CRAT: variants seen among roughly 807,000 people sequenced by gnomAD.
CRAT encodes the protein carnitine O-acetyltransferase.
In CRAT, 66 loss-of-function variants were observed where a neutral mutation model predicts 73.7. The observed-to-expected ratio is 0.90, with a 90% CI of 0.73 to 1.10. CRAT has a LOEUF of 1.10. CRAT is among the 50% of genes least tolerant of loss of function. The probability of loss-of-function intolerance (pLI) is 0.00; values close to 1 mark genes in which losing one functional copy is unlikely to be tolerated. For synonymous variants in CRAT, 321 were observed against 343.2 expected, an observed-to-expected ratio of 0.94 and a Z score of 0.71; for missense variants, 745 against 846.9, an observed-to-expected ratio of 0.88 and a Z score of 1.49.
In CRAT at chr9:129,098,305, C is replaced by G; in HGVS notation, c.1272G>C (p.Ser424=). Residue 424 remains serine (S), a synonymous_variant, in exon 10 of 14, where the codon TCG becomes TCC. Transcript: ENST00000318080. The part of the protein sequence containing the change: ...FHHFGKDFPK[S]EKLSPDAFIQ... ...TGAAGGCATCTGGGCTTAGCTTCTCCGACTTGGGGAAGTCTTTTCCAAAAT... is the reference window on the plus strand; with the variant it reads ...TGAAGGCATCTGGGCTTAGCTTCTCGGACTTGGGGAAGTCTTTTCCAAAAT... 1 of 1,614,040 alleles carries G rather than the reference C, an allele frequency of 6.2e-7. No homozygotes were observed. Among genetic ancestry groups the G allele is most frequent in the South Asian group, 1.1e-5 (1 of 91,088 alleles).
chr9:129,104,105 G>A, intron 3 of CRAT, 83 bp downstream of exon 3: 1 of 914,884 alleles, frequency 1.1e-6, no homozygotes, highest in Non-Finnish European at 1.7e-6. Flanking sequence ...AAGATAAACA[G>A]GGTCGGGGCC....
chr9:129,109,415 A>AT (rs1372170801), intron 1 of CRAT: 2 of 577,642 alleles, frequency 3.5e-6, no homozygotes, highest in Non-Finnish European at 2.7e-6. Flanking sequence ...ACGAACACTC[A>AT]TTTTTTCCTG....
rs767358598 is a variant in CRAT, at chr9:129,102,398, A to G, written c.630+2T>C. On this transcript the variant is annotated splice_donor_variant, in intron 5 of 13. Coordinates refer to ENST00000318080, the MANE Select transcript of CRAT (RefSeq NM_000755.5). LOFTEE classifies it high-confidence loss of function. ...TTGTAGGTGTGGGTGGGGGCCACCC[A>G]CCTGGTAGTTGTGTACCACGGTGAT... The G allele has an allele frequency of 1.9e-6, 3 of 1,613,772 alleles. No individual in the cohort carries two copies. The East Asian group carries it at 6.7e-5, about 36-fold the overall frequency.
At position 129,099,927 on chromosome 9, in the gene CRAT, C is replaced by T. The variant is rs752824004; in HGVS notation, c.1024G>A (p.Glu342Lys). Reference protein sequence around the residue: ...AEDGSCGLVYEHAAAEGPPIV... With the variant: ...AEDGSCGLVYKHAAAEGPPIV... The stretch of plus-strand genomic sequence containing the variant: ...GGGGGCCCCTCCGCTGCAGCATGCT[C>T]GTACACAAGCCCACAGGAGCCATCT... The change falls in exon 8 of 14, where the codon GAG becomes AAG. Residue 342 changes from glutamate to lysine, a missense_variant. Coordinates refer to ENST00000318080, the MANE Select transcript of CRAT (RefSeq NM_000755.5). 6.8e-6 allele frequency: 11 copies of T among 1,613,346 alleles called. No homozygotes were observed. The highest frequency in any genetic ancestry group is 6.7e-5 in the African/African-American group (5 of 74,858).
chr9:129,100,727 T>C, intron 6 of CRAT, 38 bp from the exon 7 acceptor site: 1 of 1,588,710 alleles, frequency 6.3e-7, no homozygotes. Context: ...CAAAATGGGG[T>C]CTCATGGTGT....
At chr9:129,102,972 C>A (rs754701166) in intron 4 of CRAT, 41 bp downstream of exon 4, 1 of 1,581,774 alleles carries the variant, frequency 6.3e-7, no homozygotes, top group Non-Finnish European at 8.7e-7. Flanking sequence ...ATTAAGCAGG[C>A]CTGGGCAGGT....
intron 5 of CRAT, 145 bp downstream of exon 5, chr9:129,102,255 C>T: frequency 7.8e-7 from 1 of 1,287,444 alleles, no homozygotes; most frequent in Non-Finnish European, 1.1e-6. Flanking sequence ...CTCCCTGGGC[C>T]CCCAATGGAG....
At chr9:129,101,183 A>G (rs900775387) in intron 6 of CRAT, among the ~76,000 whole-genome samples, 3 of 152,240 alleles carry the variant, frequency 2.0e-5, no homozygotes, top group African/African-American at 7.2e-5. Context: ...GGTGTCCTCA[A>G]CTAGGACATG....
At chr9:129,109,438 T>C (rs1848240768) in intron 1 of CRAT, among the ~76,000 whole-genome samples, 6 of 152,210 alleles carry the variant, frequency 3.9e-5, no homozygotes, top group Admixed American at 3.9e-4. Flanking sequence ...CTGTGGCTCA[T>C]TCAGCTAGGG....
At chr9:129,095,675 C>A (rs1483507496) in intron 13 of CRAT, 63 bp from the exon 14 acceptor site, 4 of 1,518,100 alleles carry the variant, frequency 2.6e-6, no homozygotes, top group Non-Finnish European at 3.6e-6. Flanking sequence ...ACTTCCCAGG[C>A]TGCCTGTGCT....
At position 129,107,770 on chromosome 9, in the gene CRAT, A is replaced by G; in HGVS notation, c.291+44T>C. The G allele has an allele frequency of 1.9e-6, 3 of 1,613,034 alleles. No homozygotes were observed. Among genetic ancestry groups the G allele is most frequent in the Non-Finnish European group, 2.5e-6 (3 of 1,179,950 alleles). On this transcript the variant is annotated intron_variant, in intron 2 of 13. Transcript: ENST00000318080. This position sits in a 1 kb window ranked among gnomAD's most constrained non-coding sequence, Gnocchi z 5.0. ...AGCAGTGGGCACTGGAGAACTGTGC[A>G]TGTGCAGCCAGCAGCAGGTCACAGT...
chr9:129,095,281 G>A lies in CRAT; in HGVS notation c.*116C>T. ...ATGCGGTCCGTGGCTCAGTAGATTT[G>A]GGGGGACCAGGGAAGAGGGAACCAA... On this transcript the variant is annotated 3_prime_UTR_variant, in exon 14 of 14. Coordinates refer to ENST00000318080, the MANE Select transcript of CRAT (RefSeq NM_000755.5). 8.8e-7 allele frequency: 1 copy of A among 1,133,016 alleles called. No individual in the cohort carries two copies. The highest frequency in any genetic ancestry group is 1.3e-6 in the Non-Finnish European group (1 of 790,944). 70.2% of individuals were successfully genotyped at this position (1,133,016 alleles called of 1,614,324 possible). A position where few individuals can be genotyped will look rare whatever the true frequency, so the allele number is the denominator to read the frequency against.
chr9:129,095,971 C>A (rs1396234094), intron 13 of CRAT, 27 bp downstream of exon 13: 3 of 1,613,612 alleles, frequency 1.9e-6, no homozygotes, highest in Middle Eastern at 1.7e-4. Flanking sequence ...GCCTCCAGCC[C>A]CCGGGGCACC....
At chr9:129,097,909 A>T (rs1847382228) in intron 11 of CRAT, 104 bp downstream of exon 11, 2 of 1,492,644 alleles carry the variant, frequency 1.3e-6, no homozygotes, top group South Asian at 2.6e-5. Flanking sequence ...CGTGCCCACC[A>T]TGGGGCTGGA....
Position 129,095,162 on chromosome 9 carries a change from C to T in CRAT, c.*235G>A. The T allele has an allele frequency of 1.7e-6, 1 of 583,474 alleles. No homozygotes were observed. The highest frequency in any genetic ancestry group is 3.0e-6 in the Non-Finnish European group (1 of 328,826). 36.1% of individuals were successfully genotyped at this position (583,474 alleles called of 1,614,324 possible). A position where few individuals can be genotyped will look rare whatever the true frequency, so the allele number is the denominator to read the frequency against. On this transcript the variant is annotated 3_prime_UTR_variant, in exon 14 of 14. Coordinates refer to ENST00000318080, the MANE Select transcript of CRAT (RefSeq NM_000755.5). ...CCAGGGGCCCGGGCCTAACGTCCTGCTCAGCCTCTGCACTCAGCCCCAGGT... is the reference window on the plus strand; with the variant it reads ...CCAGGGGCCCGGGCCTAACGTCCTGTTCAGCCTCTGCACTCAGCCCCAGGT...
chr9:129,098,248 C>T lies in CRAT; in HGVS notation c.1328+1G>A. 1.2e-6 allele frequency: 2 copies of T among 1,613,838 alleles called. No individual in the cohort carries two copies. The highest frequency in any genetic ancestry group is 1.7e-5 in the Admixed American group (1 of 60,032). On this transcript the variant is annotated splice_donor_variant, in intron 10 of 13. Coordinates refer to ENST00000318080, the MANE Select transcript of CRAT (RefSeq NM_000755.5). LOFTEE classifies it high-confidence loss of function. The stretch of plus-strand genomic sequence containing the variant: ...TCCATGGGTGGGCCACAGAGGCGCA[C>T]CTGTAGTAGGCCAGCTGCAAAGCCA...
Position 129,095,245 on chromosome 9 carries a change from C to A in CRAT, c.*152G>T, listed in dbSNP as rs375902962. On this transcript the variant is annotated 3_prime_UTR_variant, in exon 14 of 14. Coordinates refer to ENST00000318080, the MANE Select transcript of CRAT (RefSeq NM_000755.5). ...AAGGCACTTGGCTGGGGCCTGCAGG[C>A]CCCCTGGAGGATGCGGTCCGTGGCT... 2 of 834,518 alleles carry A rather than the reference C, an allele frequency of 2.4e-6. No homozygotes were observed. Among genetic ancestry groups the A allele is most frequent in the Non-Finnish European group, 1.8e-6 (1 of 545,800 alleles). The allele number at this position is 834,518 out of a possible 1,614,324, so 51.7% of individuals were successfully genotyped here.
chr9:129,102,681 TC>T (rs1847763796), intron 4 of CRAT, 116 bp from the exon 5 acceptor site: 2 of 1,202,976 alleles, frequency 1.7e-6, no homozygotes, highest in Non-Finnish European at 2.4e-6. Flanking sequence ...CTGCTCCCAC[TC>T]CCAGATGAGC....
Position 129,105,438 on chromosome 9 carries a change from A to G in CRAT, c.292-1132T>C, listed in dbSNP as rs183423616. 1.2e-4 allele frequency among the ~76,000 whole-genome samples: 18 copies of G among 152,146 alleles called. No homozygotes were observed. In the East Asian group the frequency reaches 3.3e-3, roughly 28 times the overall value. On this transcript the variant is annotated intron_variant, in intron 2 of 13. Coordinates refer to ENST00000318080, the MANE Select transcript of CRAT (RefSeq NM_000755.5). ...TGCATTCAAGCGATTCTCTTGCCTC[A>G]GCCTCTTGAGTAGCTGGGACTATAG...
Sources: allele counts gnomAD v4.1 joint callset (sites outside exome capture counted in the v4.1 genomes callset), GRCh38; gene constraint gnomAD v4.1.1; non-coding constraint Gnocchi (gnomAD v3.1); transcripts MANE v1.5; gene names NCBI Gene and HGNC (gene_info 2026-07-23, HGNC 2026-07-21).